The following KIAA1671 variants were observed in gnomAD, a reference collection of about 807,000 sequenced individuals.
The protein encoded by KIAA1671 is uncharacterized protein KIAA1671.
In KIAA1671, 52 loss-of-function variants were observed where a neutral mutation model predicts 131.2. The observed-to-expected ratio is 0.40, with a 90% CI of 0.32 to 0.50. The LOEUF is 0.50. KIAA1671 is among the 20% of genes least tolerant of loss of function. The pLI, the probability that KIAA1671 is intolerant of heterozygous loss-of-function variation, is 0.73. For missense variants in KIAA1671, 2,360 were observed against 2,364.2 expected, an observed-to-expected ratio of 1.00 and a Z score of 0.04; for synonymous variants, 1,003 against 961.6, an observed-to-expected ratio of 1.04 and a Z score of -0.80.
intron 6 of KIAA1671, among the ~76,000 whole-genome samples, chr22:25,106,648 C>G (rs1156958195): frequency 2.0e-5 from 3 of 152,130 alleles, no homozygotes; most frequent in Non-Finnish European, 2.9e-5. Flanking sequence ...AAGTGAGGTG[C>G]TCACATAGGG....
intron 1 of KIAA1671, among the ~76,000 whole-genome samples, chr22:24,994,955 C>T (rs140804663): frequency 6.6e-6 from 1 of 152,100 alleles, no homozygotes; most frequent in African/African-American, 2.4e-5. Context: ...TGTTCCTCCT[C>T]CTGCTTTCCA....
intron 6 of KIAA1671, chr22:25,110,030 G>A (rs187588515): frequency 2.0e-5 from 3 of 152,466 alleles, no homozygotes; most frequent in African/African-American, 7.2e-5. Context: ...GGAGGCTGAG[G>A]TGGGAGGATC....
intron 6 of KIAA1671, among the ~76,000 whole-genome samples, chr22:25,155,435 G>C (rs970094292): frequency 1.3e-5 from 2 of 151,932 alleles, no homozygotes; most frequent in African/African-American, 2.4e-5. Flanking sequence ...GTGTGTGGGG[G>C]GGTTTTTGTA....
chr22:25,003,020 GCC>G lies in KIAA1671; in HGVS notation c.-207-22612_-207-22611del, dbSNP rs1924557249. Among the ~76,000 whole-genome samples, 3 of 152,098 alleles carry G rather than the reference GCC, an allele frequency of 2.0e-5. No homozygotes were observed. In the South Asian group the frequency reaches 6.2e-4, roughly 31 times the overall value. On this transcript the variant is annotated intron_variant, in intron 1 of 12. Transcript: ENST00000358431. ...CTCCTGAGCTCAAAGTGATCCATCC[GCC>G]TCGGCCTCCCAAAGTGCTGGGATTA...
chr22:25,144,628 C>T (rs1932850508), intron 6 of KIAA1671, among the ~76,000 whole-genome samples: 1 of 152,198 alleles, frequency 6.6e-6, no homozygotes, highest in African/African-American at 2.4e-5. Flanking sequence ...TTTAACAAAC[C>T]CTAAACAAAT....
intron 7 of KIAA1671, among the ~76,000 whole-genome samples, 191 bp from the exon 8 acceptor site, chr22:25,174,049 C>T (rs931307573): frequency 2.6e-5 from 4 of 152,144 alleles, no homozygotes; most frequent in African/African-American, 9.7e-5. Context: ...CAGGCAGTGC[C>T]TTAGACAGCA....
intron 1 of KIAA1671, among the ~76,000 whole-genome samples, chr22:24,985,494 C>T (rs777932135): frequency 5.9e-5 from 9 of 152,062 alleles, no homozygotes; most frequent in Non-Finnish European, 1.0e-4. Context: ...CGCCCGCCAC[C>T]GCGCCCGGCT....
intron 5 of KIAA1671, among the ~76,000 whole-genome samples, chr22:25,045,206 G>C (rs1344294758): frequency 2.6e-5 from 4 of 152,040 alleles, no homozygotes; most frequent in East Asian, 3.9e-4. Flanking sequence ...ATGGTGTAGA[G>C]AGAAAATCTC....
intron 1 of KIAA1671, among the ~76,000 whole-genome samples, chr22:24,988,202 T>C (rs133091): frequency 0.64 from 96,284 of 150,304 alleles, 32,929 homozygotes; most frequent in African/African-American, 0.9. Flanking sequence ...ATCACTTGAA[T>C]CTGGGAGTTG....
At chr22:25,077,926 G>T (rs1218405491) in intron 6 of KIAA1671, among the ~76,000 whole-genome samples, 1 of 152,202 alleles carries the variant, frequency 6.6e-6, no homozygotes, top group Non-Finnish European at 1.5e-5. Context: ...AACAGCAAAA[G>T]ATATTATCCT....
At chr22:25,116,185 C>T (rs943688945) in intron 6 of KIAA1671, among the ~76,000 whole-genome samples, 1 of 152,080 alleles carries the variant, frequency 6.6e-6, no homozygotes, top group Admixed American at 6.6e-5. Context: ...TTCAAGCCAT[C>T]CTCTCACCTC....
chr22:25,004,701 C>T (rs1924649933), intron 1 of KIAA1671, among the ~76,000 whole-genome samples: 1 of 152,098 alleles, frequency 6.6e-6, no homozygotes, highest in Non-Finnish European at 1.5e-5. Context: ...AATCCCAGCA[C>T]TTTGGGAGGC....
intron 1 of KIAA1671, among the ~76,000 whole-genome samples, chr22:24,984,783 A>G (rs1406013098): frequency 6.6e-6 from 1 of 151,920 alleles, no homozygotes; most frequent in Non-Finnish European, 1.5e-5. Flanking sequence ...GCTTGGCGGC[A>G]TGTGCCTGCA....
intron 1 of KIAA1671, among the ~76,000 whole-genome samples, chr22:25,015,571 G>A (rs1925267966): frequency 1.3e-5 from 2 of 152,172 alleles, no homozygotes; most frequent in Admixed American, 6.5e-5. Context: ...CAAGCGGCCT[G>A]GGGTGAGGCA....
intron 6 of KIAA1671, chr22:25,051,767 T>A (rs977051316): frequency 6.6e-6 from 1 of 152,208 alleles, no homozygotes; most frequent in Non-Finnish European, 1.5e-5. Context: ...TGGAAATTGG[T>A]CATACATGCA....
In KIAA1671 at chr22:25,164,960, AAGAGAG is replaced by A. The variant is rs1555884262; in HGVS notation, c.4531-5855_4531-5850del. ...GAGACTGTCTCGGGAAAAAAAAAAAAAGAGAGAGAGTTGCAGGCGTGTGTGTGTGTG... is the reference window on the plus strand; with the variant it reads ...GAGACTGTCTCGGGAAAAAAAAAAAAAGAGTTGCAGGCGTGTGTGTGTGTG... On this transcript the variant is annotated intron_variant, in intron 6 of 12. Coordinates refer to ENST00000358431, the MANE Select transcript of KIAA1671 (RefSeq NM_001145206.2). 3.0e-5 allele frequency among the ~76,000 whole-genome samples: 4 copies of A among 134,172 alleles called. No homozygotes were observed. The East Asian group carries it at 9.2e-4, about 31-fold the overall frequency. The allele number at this position is 134,172 out of a possible 152,430, so 88.0% of individuals were successfully genotyped here. A position where few individuals can be genotyped will look rare whatever the true frequency, so the allele number is the denominator to read the frequency against.
At chr22:25,005,817 A>G (rs1406460774) in intron 1 of KIAA1671, among the ~76,000 whole-genome samples, 1 of 152,174 alleles carries the variant, frequency 6.6e-6, no homozygotes, top group Non-Finnish European at 1.5e-5. Context: ...GAATGAAGCT[A>G]GAAGATCTAA....
intron 1 of KIAA1671, among the ~76,000 whole-genome samples, chr22:24,982,914 C>CTTCA (rs1420853665): frequency 6.6e-6 from 1 of 152,222 alleles, no homozygotes; most frequent in Non-Finnish European, 1.5e-5. Flanking sequence ...CCCTGGCCTG[C>CTTCA]TTCAACCTGC....
intron 1 of KIAA1671, chr22:25,009,874 A>G (rs1235701663): frequency 2.0e-5 from 3 of 152,244 alleles, no homozygotes; most frequent in East Asian, 1.9e-4. Context: ...GTGAGCCACC[A>G]TGCCTGGCCC....
Sources: gnomAD v4.1 joint callset for allele counts (sites outside exome capture counted in the v4.1 genomes callset) on GRCh38, gnomAD v4.1.1 for gene constraint, MANE v1.5 for transcripts, NCBI Gene and HGNC (gene_info 2026-07-23, HGNC 2026-07-21) for gene names.